RNF32: variants seen among roughly 807,000 people sequenced by gnomAD.
RNF32 encodes the protein ring finger protein 32.
In RNF32, 36 loss-of-function variants were observed where a neutral mutation model predicts 41.0. That is an observed-to-expected ratio of 0.88 (90% confidence interval 0.67 to 1.16). RNF32 has a LOEUF of 1.16. Ranked by LOEUF, RNF32 falls within the 50% of genes most tolerant of loss-of-function variation. RNF32 has a pLI of 0.00. For synonymous variants in RNF32, 154 were observed against 160.9 expected (o/e 0.96, Z 0.32); for missense variants, 413 against 436.7 (o/e 0.95, Z 0.48).
chr7:156,659,259 T>C (rs1003103136), intron 7 of RNF32: 97 of 1,047,404 alleles, frequency 9.3e-5, no homozygotes, highest in Non-Finnish European at 1.1e-4. Flanking sequence ...GCATTTATAA[T>C]GGCCCAGCAC....
Position 156,658,503 on chromosome 7 carries a change from A to G in RNF32, c.617A>G (p.Tyr206Cys). Residue 206 changes from tyrosine to cysteine, a missense_variant, in exon 7 of 9, where the codon TAC becomes TGC. Transcript: ENST00000317955. ...YWRGCVVRKW[Y>C]RNLRKTVPPT... Reference sequence around the variant, plus strand: ...AGAGGATGTGTTGTTAGAAAGTGGTACAGAAACCTGAGGAAAACAGTACCT... The same window carrying G: ...AGAGGATGTGTTGTTAGAAAGTGGTGCAGAAACCTGAGGAAAACAGTACCT... 6.2e-7 allele frequency: 1 copy of G among 1,613,944 alleles called. No individual in the cohort carries two copies. Among genetic ancestry groups the G allele is most frequent in the Non-Finnish European group, 8.5e-7 (1 of 1,179,782 alleles).
Position 156,669,126 on chromosome 7 carries a change from C to T in RNF32, c.685-6570C>T, listed in dbSNP as rs1278982455. ...ATGGACTGGCACTTGGAGTTGTGTA[C>T]TTTGTGAGCCTTCATTGTAAAGGGT... On this transcript the variant is annotated intron_variant, in intron 7 of 8. Transcript: ENST00000317955. This position sits in a 1 kb window ranked among gnomAD's most constrained non-coding sequence, Gnocchi z 4.2. 6.6e-6 allele frequency: 1 copy of T among 152,136 alleles called. No individual in the cohort carries two copies. Among genetic ancestry groups the T allele is most frequent in the Non-Finnish European group, 1.5e-5 (1 of 68,034 alleles). The allele number at this position is 152,136 out of a possible 1,614,324, so 9.4% of individuals were successfully genotyped here. A position where few individuals can be genotyped will look rare whatever the true frequency, so the allele number is the denominator to read the frequency against.
At chr7:156,640,394 A>G (rs865874539), upstream of RNF32, 16 of 429,518 alleles carry the variant, frequency 3.7e-5, no homozygotes, top group Middle Eastern at 8.0e-4. Flanking sequence ...TGCGGACTAC[A>G]GCGAAGCCGG....
chr7:156,654,561 GC>G lies in RNF32; in HGVS notation c.275-14del, dbSNP rs770361614. On this transcript the variant is annotated splice_polypyrimidine_tract_variant and intron_variant, in intron 3 of 8. Transcript: ENST00000317955. ...AAAGACACTCTAACTCCTGTCCTGT[GC>G]TGTCTTACTTTAGCACAGAAGTTGG... The G allele has an allele frequency of 1.6e-5, 26 of 1,612,148 alleles. 1 individual carries two copies. In the South Asian group the frequency reaches 2.4e-4, roughly 15 times the overall value.
chr7:156,640,384 T>C, upstream of RNF32: 1 of 438,962 alleles, frequency 2.3e-6, no homozygotes, highest in Non-Finnish European at 4.5e-6. Context: ...CGCCGGGGGC[T>C]GCGGACTACA....
chr7:156,645,030 T>G (rs148131895), intron 3 of RNF32, among the ~76,000 whole-genome samples: 304 of 152,014 alleles, frequency 2.0e-3, no homozygotes, highest in African/African-American at 7.0e-3. Context: ...AATAATTGAG[T>G]AAATAAATGA....
intron 3 of RNF32, among the ~76,000 whole-genome samples, chr7:156,652,557 C>T (rs970812660): frequency 2.6e-5 from 4 of 152,010 alleles, no homozygotes; most frequent in African/African-American, 9.7e-5. Flanking sequence ...TTTCAATCAA[C>T]AATAAACCAC....
At chr7:156,668,793 A>G (rs1218911012) in intron 7 of RNF32, among the ~76,000 whole-genome samples, 2 of 152,200 alleles carry the variant, frequency 1.3e-5, no homozygotes, top group African/African-American at 4.8e-5. Context: ...CAGCTGAGCA[A>G]TTCCCCAACT....
chr7:156,640,595 T>C (rs1020469785), upstream of RNF32: 3 of 408,252 alleles, frequency 7.3e-6, no homozygotes, highest in African/African-American at 4.5e-5. Context: ...CGCAGTGTGG[T>C]GTGGACAGGG....
intron 3 of RNF32, chr7:156,646,407 C>T (rs1797979511): frequency 7.7e-7 from 1 of 1,303,088 alleles, no homozygotes; most frequent in Non-Finnish European, 1.0e-6. Flanking sequence ...TTCACAAAAC[C>T]TTCTTCTCTA....
rs750254535 is a variant in RNF32 at position 156,644,683 on chromosome 7, C to A, written c.200C>A (p.Thr67Asn). 2.9e-5 allele frequency: 46 copies of A among 1,613,232 alleles called. No individual in the cohort carries two copies. The highest frequency in any genetic ancestry group is 3.9e-5 in the Non-Finnish European group (46 of 1,179,634). The change falls in exon 3 of 9, where the codon ACT (threonine) becomes AAT (asparagine). Residue 67 changes from threonine to asparagine, a missense_variant. Physicochemically the swap from Thr to Asn is moderately conservative, Grantham distance 65. Coordinates refer to ENST00000317955, the MANE Select transcript of RNF32 (RefSeq NM_030936.4). ...ATAATAGATACTGGACTTAAAAAAA[C>A]TACACAGTGCCCCAAACTAGAAGAC... Reference protein sequence around the residue: ...KAIIDTGLKKTTQCPKLEDSE... With the variant: ...KAIIDTGLKKNTQCPKLEDSE...
At chr7:156,659,257 A>T in intron 7 of RNF32, 1 of 1,049,544 alleles carries the variant, frequency 9.5e-7, no homozygotes, top group Non-Finnish European at 1.1e-6. Flanking sequence ...TAGCATTTAT[A>T]ATGGCCCAGC....
intron 7 of RNF32, 136 bp from the exon 8 acceptor site, chr7:156,675,560 T>C (rs929280116): frequency 1.0e-5 from 7 of 675,328 alleles, no homozygotes; most frequent in African/African-American, 9.1e-5. Context: ...TAGACATATA[T>C]CTATTTCCCT....
chr7:156,658,595 C>T, intron 7 of RNF32, 25 bp downstream of exon 7: 3 of 1,453,186 alleles, frequency 2.1e-6, no homozygotes, highest in Non-Finnish European at 2.9e-6. Flanking sequence ...TTATGTTCTC[C>T]AGATATGGTC....
chr7:156,674,619 G>A (rs1417880325), intron 7 of RNF32, among the ~76,000 whole-genome samples: 3 of 152,126 alleles, frequency 2.0e-5, no homozygotes, highest in Admixed American at 2.0e-4. Context: ...GAGGCTGAGT[G>A]AGCATTGATG....
At chr7:156,654,437 C>T in intron 3 of RNF32, 139 bp from the exon 4 acceptor site, 1 of 669,074 alleles carries the variant, frequency 1.5e-6, no homozygotes, top group Non-Finnish European at 2.4e-6. Flanking sequence ...TACCAATGGA[C>T]AGCTTCTATT....
chr7:156,640,544 A>C (rs886361198), upstream of RNF32: 1 of 384,174 alleles, frequency 2.6e-6, no homozygotes, highest in South Asian at 1.9e-5. Flanking sequence ...ACCTGCGTCT[A>C]GACGCTGACG....
rs777640241 is a variant in RNF32, at chr7:156,658,119, T to C, written c.451-9T>C. 3 of 1,607,410 alleles carry C rather than the reference T, an allele frequency of 1.9e-6. No homozygotes were observed. The highest frequency in any genetic ancestry group is 1.1e-5 in the South Asian group (1 of 89,996). On this transcript the variant is annotated splice_polypyrimidine_tract_variant and intron_variant, in intron 5 of 8. Coordinates refer to ENST00000317955, the MANE Select transcript of RNF32 (RefSeq NM_030936.4). ...CTTGTAAAATTTTAAGTGAAATGTT[T>C]TTCTTCAGGCATGTCTTCAGGCTTT...
chr7:156,662,793 T>C (rs1478884190), intron 7 of RNF32, among the ~76,000 whole-genome samples: 2 of 151,862 alleles, frequency 1.3e-5, no homozygotes, highest in East Asian at 1.9e-4. Context: ...AAAAAAATTA[T>C]ATGAGCATCT....
Sources: gnomAD v4.1 joint callset for allele counts (sites outside exome capture counted in the v4.1 genomes callset) on GRCh38, gnomAD v4.1.1 for gene constraint, Gnocchi (gnomAD v3.1) non-coding constraint, MANE v1.5 for transcripts, NCBI Gene and HGNC (gene_info 2026-07-23, HGNC 2026-07-21) for gene names.